Variants in CMTR1 observed in about 807,000 individuals in gnomAD.
CMTR1 encodes the protein cap-specific mRNA (nucleoside-2'-O-)-methyltransferase 1.
CMTR1 carries 39 observed loss-of-function variants against 107.0 expected under a neutral mutation model. That is an observed-to-expected ratio of 0.36 (90% CI 0.28 to 0.48). The LOEUF is 0.48. Among genes scored for constraint, CMTR1 ranks in the 20% least tolerant of loss-of-function variants. The pLI is 0.99. For missense variants in CMTR1, 672 were observed against 1,064.9 expected (o/e 0.63, Z 5.14); for synonymous variants, 366 against 379.5 (o/e 0.96, Z 0.41).
intron 13 of CMTR1, among the ~76,000 whole-genome samples, chr6:37,469,658 G>C (rs781179433): frequency 6.7e-6 from 1 of 149,772 alleles, no homozygotes; most frequent in Non-Finnish European, 1.5e-5. Context: ...CTCCTGAGTA[G>C]TTGGGATTAC....
At chr6:37,476,049 G>A in intron 19 of CMTR1, 77 bp from the exon 20 acceptor site, 1 of 1,419,232 alleles carries the variant, frequency 7.0e-7, no homozygotes, top group Non-Finnish European at 1.0e-6. Flanking sequence ...TACTGGAGCT[G>A]TGAAAATGCC....
chr6:37,463,199 A>G (rs1399869305), intron 13 of CMTR1, among the ~76,000 whole-genome samples, 191 bp downstream of exon 13: 1 of 152,170 alleles, frequency 6.6e-6, no homozygotes, highest in Non-Finnish European at 1.5e-5. Flanking sequence ...TCCTGCTGCC[A>G]TGCCCTATCC....
intron 21 of CMTR1, 40 bp from the exon 22 acceptor site, chr6:37,478,369 C>A: frequency 6.8e-7 from 1 of 1,465,364 alleles, no homozygotes; most frequent in Non-Finnish European, 9.6e-7. Context: ...TCAGCCAGGG[C>A]CTTTTCTCTC....
At chr6:37,435,410 A>G (rs1771504769) in intron 1 of CMTR1, among the ~76,000 whole-genome samples, 1 of 152,130 alleles carries the variant, frequency 6.6e-6, no homozygotes, top group Non-Finnish European at 1.5e-5. Flanking sequence ...TGAGCACCAC[A>G]TTTTCCAGTA....
chr6:37,468,243 T>A (rs538233092), intron 13 of CMTR1, among the ~76,000 whole-genome samples: 2 of 152,260 alleles, frequency 1.3e-5, no homozygotes, highest in African/African-American at 4.8e-5. Flanking sequence ...TCCAAAACTA[T>A]TTCATTGTTT....
the CMTR1 span, among the ~76,000 whole-genome samples, chr6:37,428,014 GAGAGAGAGAGAGA>G: frequency 4.7e-4 from 30 of 63,276 alleles, no homozygotes; most frequent in African/African-American, 2.6e-3. Context: ...GAGACAGAGA[GAGAGAGAGAGAGA>G]GAGAGAGAGA....
In CMTR1 at chr6:37,472,393, C is replaced by T; in HGVS notation, c.1621-26C>T. On this transcript the variant is annotated intron_variant, in intron 15 of 23. Coordinates refer to ENST00000373451, the MANE Select transcript of CMTR1 (RefSeq NM_015050.3). This position sits in a 1 kb window ranked among gnomAD's most constrained non-coding sequence, Gnocchi z 4.1. ...CTTGGTCAAAAGGGCATTTGAAAGT[C>T]AAAGCTCTTTGCTGTCTTATTTCAG... The T allele has an allele frequency of 6.2e-7, 1 of 1,612,388 alleles. No individual in the cohort carries two copies. Among genetic ancestry groups the T allele is most frequent in the Non-Finnish European group, 8.5e-7 (1 of 1,178,404 alleles).
intron 4 of CMTR1, among the ~76,000 whole-genome samples, chr6:37,446,886 G>T (rs1194593466): frequency 2.0e-5 from 3 of 152,180 alleles, no homozygotes; most frequent in African/African-American, 7.2e-5. Flanking sequence ...CCCCAGGTTT[G>T]TGCCATCCAG....
intron 3 of CMTR1, among the ~76,000 whole-genome samples, chr6:37,445,174 G>A (rs984724805): frequency 1.3e-5 from 2 of 152,212 alleles, no homozygotes; most frequent in African/African-American, 4.8e-5. Flanking sequence ...AGATGGGAAG[G>A]CTTGTGACTC....
chr6:37,444,215 A>C (rs998398492), intron 3 of CMTR1, 65 bp downstream of exon 3: 9 of 1,561,192 alleles, frequency 5.8e-6, no homozygotes, highest in Non-Finnish European at 7.8e-6. Flanking sequence ...GGCAATTTGT[A>C]TTTGTATGAA....
intron 12 of CMTR1, 67 bp from the exon 13 acceptor site, chr6:37,462,762 T>G: frequency 6.8e-7 from 1 of 1,472,982 alleles, no homozygotes; most frequent in Non-Finnish European, 9.4e-7. Flanking sequence ...CCACAAGGGG[T>G]TGGGGGAAAA....
Position 37,442,179 on chromosome 6 carries a change from A to G in CMTR1, c.134-1820A>G, listed in dbSNP as rs576673241. 2.0e-5 allele frequency among the ~76,000 whole-genome samples: 3 copies of G among 152,364 alleles called. No individual in the cohort carries two copies. The South Asian group carries it at 6.2e-4, about 32-fold the overall frequency. ...CATTATATGTAGCATGATCTTTTAT[A>G]GAATAGGTGCTGAACCAGTATAGTA... On this transcript the variant is annotated intron_variant, in intron 2 of 23. Transcript: ENST00000373451.
rs1581753506 is a variant in CMTR1 at position 37,474,581 on chromosome 6, C to T, written c.1879C>T (p.Leu627=). 1 of 1,614,188 alleles carries T rather than the reference C, an allele frequency of 6.2e-7. No homozygotes were observed. The highest frequency in any genetic ancestry group is 8.5e-7 in the Non-Finnish European group (1 of 1,180,026). Residue 627 remains leucine (L), a synonymous_variant, in exon 18 of 24, where the codon CTG becomes TTG. Transcript: ENST00000373451. ...RQSDRWIKLD[L]KTELPRDTLL... is the part of the protein sequence containing the mutation. Reference sequence around the variant, plus strand: ...GTCAGACCGCTGGATCAAGCTAGACCTGAAGACAGAGCTGCCCCGGGACAC... The same window carrying T: ...GTCAGACCGCTGGATCAAGCTAGACTTGAAGACAGAGCTGCCCCGGGACAC...
the CMTR1 span, among the ~76,000 whole-genome samples, chr6:37,426,374 A>G: frequency 3.3e-5 from 5 of 152,128 alleles, no homozygotes; most frequent in Non-Finnish European, 7.3e-5. Flanking sequence ...GAAATTGGAC[A>G]TATGCATCTA....
rs930121250 is a variant in CMTR1 at position 37,480,710 on chromosome 6, C to T, written c.*565C>T. The T allele has an allele frequency of 3.9e-6, 4 of 1,027,076 alleles. No individual in the cohort carries two copies. Among genetic ancestry groups the T allele is most frequent in the Non-Finnish European group, 4.7e-6 (4 of 857,012 alleles). 63.6% of individuals were successfully genotyped at this position (1,027,076 alleles called of 1,614,324 possible). ...AGACCATTTTCTTGTCTCCTTCCCC[C>T]ACTCATCCTGGCCTTCCCTGGAGTT... On this transcript the variant is annotated 3_prime_UTR_variant, in exon 24 of 24. Coordinates refer to ENST00000373451, the MANE Select transcript of CMTR1 (RefSeq NM_015050.3).
intron 13 of CMTR1, among the ~76,000 whole-genome samples, chr6:37,469,521 C>CTTTTTTTTTTTTTTTT (rs763917812): frequency 3.2e-5 from 2 of 61,594 alleles, no homozygotes; most frequent in Non-Finnish European, 5.6e-5. Flanking sequence ...TTGTTTTATC[C>CTTTTTTTTTTTTTTTT]TTTTTTTTTT....
chr6:37,480,959 GCC>G lies in CMTR1; in HGVS notation c.*817_*818del. The G allele has an allele frequency of 7.9e-7, 1 of 1,259,748 alleles. No individual in the cohort carries two copies. The highest frequency in any genetic ancestry group is 1.0e-6 in the Non-Finnish European group (1 of 971,964). The allele number at this position is 1,259,748 out of a possible 1,614,324, so 78.0% of individuals were successfully genotyped here. A position where few individuals can be genotyped will look rare whatever the true frequency, so the allele number is the denominator to read the frequency against. ...CCGTCTTTCCCCCACAGCAGCAGGG[GCC>G]CCAGCAGTAACAAAGGGTACCTCCA... On this transcript the variant is annotated 3_prime_UTR_variant, in exon 24 of 24. Coordinates refer to ENST00000373451, the MANE Select transcript of CMTR1 (RefSeq NM_015050.3).
upstream of CMTR1, among the ~76,000 whole-genome samples, chr6:37,429,125 C>T (rs573452733): frequency 1.4e-4 from 21 of 152,122 alleles, no homozygotes; most frequent in South Asian, 4.4e-3. Flanking sequence ...ACGTTTGATA[C>T]TTTTCATTGA....
chr6:37,465,094 C>T (rs1202176278), intron 13 of CMTR1, among the ~76,000 whole-genome samples: 1 of 151,974 alleles, frequency 6.6e-6, no homozygotes, highest in Non-Finnish European at 1.5e-5. Flanking sequence ...CATGGTGAAA[C>T]CCCATCTCTA....
Sources: gnomAD v4.1 joint callset for allele counts (sites outside exome capture counted in the v4.1 genomes callset) on GRCh38, gnomAD v4.1.1 for gene constraint, Gnocchi (gnomAD v3.1) non-coding constraint, MANE v1.5 for transcripts, NCBI Gene and HGNC (gene_info 2026-07-23, HGNC 2026-07-21) for gene names.